The following CTSD variants were observed in gnomAD, a reference collection of about 807,000 sequenced individuals.
CTSD encodes cathepsin D, also known as ceroid-lipofuscinosis, neuronal 10.
CTSD carries 28 observed loss-of-function variants against 43.6 expected under a neutral mutation model. The observed-to-expected ratio is 0.64, with a 90% CI of 0.48 to 0.88. The LOEUF (loss-of-function observed/expected upper bound fraction) is 0.88, where lower values mean the gene tolerates loss of function less well. Among genes scored for constraint, CTSD ranks in the 40% least tolerant of loss-of-function variants. The pLI, the probability that CTSD is intolerant of heterozygous loss-of-function variation, is 0.00. For synonymous variants in CTSD, 270 were observed against 249.8 expected, an observed-to-expected ratio of 1.08 and a Z score of -0.76; for missense variants, 485 against 555.2, an observed-to-expected ratio of 0.87 and a Z score of 1.27.
chr11:1,754,174 C>CTGGAGTG (rs772363414), intron 6 of CTSD, 36 bp from the exon 7 acceptor site: 1 of 1,596,780 alleles, frequency 6.3e-7, no homozygotes, highest in Admixed American at 1.7e-5. Context: ...CCTGCCGGGA[C>CTGGAGTG]TGGAGTGTGC....
chr11:1,755,059 C>T (rs368103943), intron 5 of CTSD, 31 bp from the exon 6 acceptor site: 82 of 1,612,898 alleles, frequency 5.1e-5, no homozygotes, highest in Middle Eastern at 3.3e-4. Flanking sequence ...TCAGCTGCCA[C>T]GCCACCCCCC....
At position 1,753,651 on chromosome 11, in the gene CTSD, G is replaced by T; in HGVS notation, c.1091C>A (p.Thr364Asn). The change falls in exon 9 of 9, where the codon ACC becomes AAC. Residue 364 changes from threonine (T) to asparagine (N), a missense_variant. Physicochemically the swap from Thr to Asn is moderately conservative, Grantham distance 65 (BLOSUM62 0). Transcript: ENST00000236671. ...YTLKVSQAGK[T>N]LCLSGFMGMD... ...GCCCATGAAGCCGCTCAGGCAGAGG[G>T]TCTTCCCGGCCTGCGACACCTGGGA... 6.2e-7 allele frequency: 1 copy of T among 1,612,934 alleles called. No individual in the cohort carries two copies. Among genetic ancestry groups the T allele is most frequent in the Non-Finnish European group, 8.5e-7 (1 of 1,179,868 alleles).
rs575860381 is a variant in CTSD at position 1,754,382 on chromosome 11, C to T, written c.828-244G>A. On this transcript the variant is annotated intron_variant, in intron 6 of 8. Transcript: ENST00000236671. ...TGGAGGGATGGAGGGGATGGAGGGG[C>T]ATAGAGGGATGGAGGGGATGGAGGG... 155 of 450,022 alleles carry T rather than the reference C, an allele frequency of 3.4e-4. No individual in the cohort carries two copies. In the South Asian group the frequency reaches 3.5e-3, roughly 10 times the overall value. 27.9% of individuals were successfully genotyped at this position (450,022 alleles called of 1,614,324 possible).
In CTSD at chr11:1,761,066, G is replaced by A. The variant is rs146355146; in HGVS notation, c.228+243C>T. ...CTCAGGCGAGCTGGCACCAAGGCCC[G>A]AGGCCACTCCCAATCACCCTCCCAG... is the stretch of plus-strand genomic sequence containing the variant. On this transcript the variant is annotated intron_variant, in intron 2 of 8. Transcript: ENST00000236671. 5.9e-4 allele frequency: 324 copies of A among 548,222 alleles called. No homozygotes were observed. The East Asian group carries it at 9.3e-3, about 16-fold the overall frequency. 34.0% of individuals were successfully genotyped at this position (548,222 alleles called of 1,614,324 possible).
chr11:1,757,660 C>G (rs1348859483), intron 4 of CTSD, 104 bp from the exon 5 acceptor site: 2 of 936,688 alleles, frequency 2.1e-6, no homozygotes, highest in Admixed American at 4.0e-5. Flanking sequence ...CCATCCCACA[C>G]ACGATGGGGC....
chr11:1,759,407 G>A (rs1845847529), intron 3 of CTSD, 109 bp downstream of exon 3: 3 of 1,516,252 alleles, frequency 2.0e-6, no homozygotes, highest in Admixed American at 3.4e-5. Flanking sequence ...CTGGCTCACG[G>A]GGCCAAGAGG....
rs1445599763 is a variant in CTSD at position 1,753,952 on chromosome 11, C to T, written c.972+42G>A. On this transcript the variant is annotated intron_variant, in intron 7 of 8. Coordinates refer to ENST00000236671, the MANE Select transcript of CTSD (RefSeq NM_001909.5). ...GGTGGTAGTGGTGGCCTTGGGGCTC[C>T]CCCTGCCAGCCCCAGCCCCAGCCCC... 7 of 1,610,486 alleles carry T rather than the reference C, an allele frequency of 4.3e-6. No individual in the cohort carries two copies. The South Asian group carries it at 4.4e-5, about 10-fold the overall frequency.
At position 1,753,379 on chromosome 11, in the gene CTSD, C is replaced by T; in HGVS notation, c.*124G>A. On this transcript the variant is annotated 3_prime_UTR_variant, in exon 9 of 9. Coordinates refer to ENST00000236671, the MANE Select transcript of CTSD (RefSeq NM_001909.5). ...CAAGTCGGGCTTGGGCCGCCGGCTTCCAGGGCGCCCAGGACAGTGGGCGGG... is the reference window on the plus strand; with the variant it reads ...CAAGTCGGGCTTGGGCCGCCGGCTTTCAGGGCGCCCAGGACAGTGGGCGGG... 8.0e-7 allele frequency: 1 copy of T among 1,247,208 alleles called. No homozygotes were observed. The highest frequency in any genetic ancestry group is 1.2e-6 in the Non-Finnish European group (1 of 856,820). The allele number at this position is 1,247,208 out of a possible 1,614,324, so 77.3% of individuals were successfully genotyped here.
At chr11:1,754,287 G>A (rs1201358479) in intron 6 of CTSD, 149 bp from the exon 7 acceptor site, 2 of 892,218 alleles carry the variant, frequency 2.2e-6, no homozygotes, top group East Asian at 2.7e-5. Flanking sequence ...AGCCCTCCAG[G>A]GAAGAGGGTG....
intron 1 of CTSD, chr11:1,761,990 G>A: frequency 5.1e-6 from 1 of 195,028 alleles, no homozygotes; most frequent in Non-Finnish European, 1.1e-5. Context: ...GCTGGCACTG[G>A]CAGCTCTGCC....
At position 1,753,366 on chromosome 11, in the gene CTSD, GGGCCGCC is replaced by G; in HGVS notation, c.*130_*136del. The G allele has an allele frequency of 9.6e-7, 1 of 1,036,820 alleles. No individual in the cohort carries two copies. The highest frequency in any genetic ancestry group is 1.3e-5 in the South Asian group (1 of 78,068). The allele number at this position is 1,036,820 out of a possible 1,614,324, so 64.2% of individuals were successfully genotyped here. On this transcript the variant is annotated 3_prime_UTR_variant, in exon 9 of 9. Transcript: ENST00000236671. ...CAGAACAAAACAGCAAGTCGGGCTTGGGCCGCCGGCTTCCAGGGCGCCCAGGACAGTG... is the reference window on the plus strand; with the variant it reads ...CAGAACAAAACAGCAAGTCGGGCTTGGGCTTCCAGGGCGCCCAGGACAGTG...
intron 5 of CTSD, among the ~76,000 whole-genome samples, chr11:1,756,020 C>G (rs949444655): frequency 1.3e-5 from 2 of 152,106 alleles, no homozygotes; most frequent in African/African-American, 4.8e-5. Context: ...CCATGTGCAC[C>G]TCCCCCACCT....
In CTSD at chr11:1,757,458, G is replaced by A. The variant is rs1325097000; in HGVS notation, c.570C>T (p.Phe190=). 6 of 1,614,128 alleles carry A rather than the reference G, an allele frequency of 3.7e-6. No homozygotes were observed. Among genetic ancestry groups the A allele is most frequent in the Non-Finnish European group, 5.1e-6 (6 of 1,180,026 alleles). Residue 190 remains phenylalanine, a synonymous_variant, in exon 5 of 9, where the codon TTC becomes TTT. Coordinates refer to ENST00000236671, the MANE Select transcript of CTSD (RefSeq NM_001909.5). ...GGATGCCATCGAACTTGGCTGCGAT[G>A]AAGGTGATGCCTGGCTGCTTGGTGG... The part of the protein sequence containing the change: ...GEATKQPGIT[F]IAAKFDGILG...
chr11:1,754,632 G>T, intron 6 of CTSD, among the ~76,000 whole-genome samples: 1 of 147,806 alleles, frequency 6.8e-6, no homozygotes, highest in Non-Finnish European at 1.5e-5. Context: ...GGCATGGAGG[G>T]ATGGACAGAA....
At chr11:1,757,742 C>A (rs935921978) in intron 4 of CTSD, among the ~76,000 whole-genome samples, 186 bp from the exon 5 acceptor site, 1 of 152,190 alleles carries the variant, frequency 6.6e-6, no homozygotes, top group South Asian at 2.1e-4. Flanking sequence ...CGGGGTATGG[C>A]GGGGCCCTCT....
At chr11:1,757,954 C>G (rs2133662509) in intron 4 of CTSD, 2 of 324,876 alleles carry the variant, frequency 6.2e-6, no homozygotes, top group South Asian at 5.4e-5. Flanking sequence ...CCGACCCCAT[C>G]CCAAGCTCAC....
Position 1,763,833 on chromosome 11 carries a change from G to T in CTSD, c.27C>A (p.Leu9=). Residue 9 remains leucine (L), a synonymous_variant, in exon 1 of 9, where the codon CTC becomes CTA. Transcript: ENST00000236671. ...CGGGTGCAGCCAGCAGGCAGAGGGC[G>T]AGCGGCAGAAGGCTGGAGGGCTGCA... is the stretch of plus-strand genomic sequence containing the variant. MQPSSLLP[L]ALCLLAAPAS... 1.3e-6 allele frequency: 2 copies of T among 1,528,542 alleles called. No homozygotes were observed. Among genetic ancestry groups the T allele is most frequent in the Non-Finnish European group, 8.7e-7 (1 of 1,143,220 alleles). The allele number at this position is 1,528,542 out of a possible 1,614,324, so 94.7% of individuals were successfully genotyped here. A position where few individuals can be genotyped will look rare whatever the true frequency, so the allele number is the denominator to read the frequency against.
chr11:1,761,453 C>T lies in CTSD; in HGVS notation c.84G>A (p.Lys28=), dbSNP rs1845876097. The T allele has an allele frequency of 1.9e-6, 3 of 1,613,864 alleles. No individual in the cohort carries two copies. In the East Asian group the frequency reaches 6.7e-5, roughly 36 times the overall value. The change falls in exon 2 of 9, where the codon AAG becomes AAA. Residue 28 remains lysine (K), a synonymous_variant. Coordinates refer to ENST00000236671, the MANE Select transcript of CTSD (RefSeq NM_001909.5). ...ASALVRIPLH[K]FTSIRRTMSE... ...ACATGGTCCGGCGGATGGACGTGAA[C>T]TTGTGCAGCGGGATCCTGTCAACCA...
chr11:1,762,812 C>A (rs374135867), intron 1 of CTSD, among the ~76,000 whole-genome samples: 28 of 152,314 alleles, frequency 1.8e-4, no homozygotes, highest in African/African-American at 6.7e-4. Flanking sequence ...CCCACAACGA[C>A]TTTAATTGGG....
Sources: allele counts gnomAD v4.1 joint callset (sites outside exome capture counted in the v4.1 genomes callset), GRCh38; gene constraint gnomAD v4.1.1; transcripts MANE v1.5; gene names NCBI Gene and HGNC (gene_info 2026-07-23, HGNC 2026-07-21).